PLCH1: variants seen among roughly 807,000 people sequenced by gnomAD.
The protein encoded by PLCH1 is phospholipase C eta 1.
In PLCH1, 60 loss-of-function variants were observed where a neutral mutation model predicts 126.7. That is an observed-to-expected ratio of 0.47 (90% CI 0.38 to 0.59). The LOEUF is 0.59. Among genes scored for constraint, PLCH1 ranks in the 20% least tolerant of loss-of-function variants. The pLI is 0.00. For missense variants in PLCH1, 1,723 were observed against 2,040.0 expected (o/e 0.84, Z 2.99); for synonymous variants, 719 against 734.9 (o/e 0.98, Z 0.35).
chr3:155,648,212 A>G (rs1740278946), intron 2 of PLCH1, among the ~76,000 whole-genome samples: 1 of 152,242 alleles, frequency 6.6e-6, no homozygotes, highest in African/African-American at 2.4e-5. Context: ...CCCAGGGAAC[A>G]ATAGTAGTAG....
At chr3:155,593,809 TG>T (rs1232241430) in intron 4 of PLCH1, 131 bp downstream of exon 4, 1 of 791,772 alleles carries the variant, frequency 1.3e-6, no homozygotes, top group African/African-American at 1.7e-5. Context: ...GAGAAGACGG[TG>T]TGAGGGGTAA....
intron 6 of PLCH1, among the ~76,000 whole-genome samples, chr3:155,580,617 C>T (rs1478809483): frequency 6.6e-6 from 1 of 152,008 alleles, no homozygotes; most frequent in African/African-American, 2.4e-5. Flanking sequence ...TTCACAAATT[C>T]AATTTAATTC....
chr3:155,640,609 T>A (rs1739288410), intron 2 of PLCH1, among the ~76,000 whole-genome samples: 1 of 152,170 alleles, frequency 6.6e-6, no homozygotes, highest in East Asian at 1.9e-4. Flanking sequence ...TAATGCTGCC[T>A]ACTAGCATAA....
intron 1 of PLCH1, among the ~76,000 whole-genome samples, chr3:155,710,960 G>A (rs1332436085): frequency 6.9e-6 from 1 of 144,646 alleles, no homozygotes; most frequent in East Asian, 2.0e-4. Context: ...ATGACCATGG[G>A]CACTGTGGTC....
Position 155,682,944 on chromosome 3 carries a change from G to A in PLCH1, c.79+21202C>T, listed in dbSNP as rs577475297. Among the ~76,000 whole-genome samples, 9 of 152,246 alleles carry A rather than the reference G, an allele frequency of 5.9e-5. No homozygotes were observed. In the South Asian group the frequency reaches 1.9e-3, roughly 32 times the overall value. ...CACAAGTGTTTTACTCAGAGAGCAG[G>A]CTTATTGTGAATGTTTATTCATCAC... On this transcript the variant is annotated intron_variant, in intron 2 of 22. Transcript: ENST00000460012.
intron 2 of PLCH1, among the ~76,000 whole-genome samples, chr3:155,685,162 T>C (rs1040988195): frequency 9.2e-5 from 14 of 152,034 alleles, no homozygotes; most frequent in African/African-American, 3.1e-4. Flanking sequence ...CGGAAGACAC[T>C]GGGCATAAAG....
chr3:155,653,407 T>C (rs1480031096), intron 2 of PLCH1, among the ~76,000 whole-genome samples: 2 of 152,204 alleles, frequency 1.3e-5, no homozygotes, highest in African/African-American at 2.4e-5. Flanking sequence ...AATCATTGGC[T>C]TTATTTGAAC....
intron 15 of PLCH1, 98 bp from the exon 16 acceptor site, chr3:155,494,615 CAAA>C: frequency 1.0e-6 from 1 of 955,632 alleles, no homozygotes; most frequent in Non-Finnish European, 1.6e-6. Context: ...ATACCAATAG[CAAA>C]AAGCAGAGCA....
intron 10 of PLCH1, among the ~76,000 whole-genome samples, chr3:155,547,545 T>C (rs1226169457): frequency 3.4e-4 from 52 of 151,730 alleles, no homozygotes; most frequent in Non-Finnish European, 2.9e-4. Flanking sequence ...ACTGGGTATA[T>C]ACCCAAACGA....
chr3:155,620,641 G>A (rs1409968070), intron 2 of PLCH1, among the ~76,000 whole-genome samples: 1 of 152,178 alleles, frequency 6.6e-6, no homozygotes, highest in Non-Finnish European at 1.5e-5. Flanking sequence ...GGGGAAAGTG[G>A]GAGTTGTATA....
At chr3:155,557,167 G>A (rs1174667261) in intron 8 of PLCH1, among the ~76,000 whole-genome samples, 2 of 152,150 alleles carry the variant, frequency 1.3e-5, no homozygotes, top group Non-Finnish European at 2.9e-5. Flanking sequence ...TCTCACAAGA[G>A]AAGCGTCATC....
chr3:155,658,326 T>C (rs746566733), intron 2 of PLCH1: 8 of 182,206 alleles, frequency 4.4e-5, no homozygotes, highest in Admixed American at 1.0e-4. Flanking sequence ...CAAGTTCCTC[T>C]GTGAGGAGCA....
In PLCH1 at chr3:155,468,498, A is replaced by C. The variant is rs750197458; in HGVS notation, c.2938+16858T>G. 6.1e-4 allele frequency among the ~76,000 whole-genome samples: 93 copies of C among 152,182 alleles called. 1 individual carries two copies. The highest frequency in any genetic ancestry group is 1.1e-3 in the Non-Finnish European group (78 of 68,032). On this transcript the variant is annotated intron_variant, in intron 21 of 21. Transcript: ENST00000494598. ...CACTGATCTGCTGTCTACAAGAAAC[A>C]CACTTCACCTACACGGACACACATA...
chr3:155,709,477 C>T (rs1031020037), intron 1 of PLCH1, among the ~76,000 whole-genome samples: 1 of 152,128 alleles, frequency 6.6e-6, no homozygotes, highest in Non-Finnish European at 1.5e-5. Flanking sequence ...GGATTTTGGC[C>T]TTTCTAATAG....
chr3:155,711,300 A>T (rs1747110753), intron 1 of PLCH1, among the ~76,000 whole-genome samples: 1 of 152,190 alleles, frequency 6.6e-6, no homozygotes, highest in African/African-American at 2.4e-5. Context: ...AAATCATGTA[A>T]AAATCATGTA....
rs145494931 is a variant in PLCH1, at chr3:155,732,327, G to C, written c.-41+12513C>G. 5.8e-3 allele frequency among the ~76,000 whole-genome samples: 890 copies of C among 152,142 alleles called. 11 individuals carry two copies. The highest frequency in any genetic ancestry group is 0.021 in the African/African-American group (858 of 41,526). On this transcript the variant is annotated intron_variant, in intron 1 of 22. Coordinates refer to ENST00000460012, the MANE Select transcript of PLCH1 (RefSeq NM_014996.4). ...AGAAGAAGAAAGTATCTGTGAACTT[G>C]AAGACAGGTTATTTGAAAATATTAT...
intron 1 of PLCH1, among the ~76,000 whole-genome samples, chr3:155,706,139 A>G (rs1259656699): frequency 7.5e-6 from 1 of 132,976 alleles, no homozygotes; most frequent in African/African-American, 2.9e-5. Flanking sequence ...GCGCCACTGC[A>G]CTCCAGCCTG....
At chr3:155,484,403 C>T (rs969166858) in intron 22 of PLCH1, among the ~76,000 whole-genome samples, 1 of 152,128 alleles carries the variant, frequency 6.6e-6, no homozygotes, top group African/African-American at 2.4e-5. Context: ...TTTTCTCCTT[C>T]AAATAAACCA....
At chr3:155,542,238 G>A (rs866262989) in intron 10 of PLCH1, among the ~76,000 whole-genome samples, 7 of 152,198 alleles carry the variant, frequency 4.6e-5, no homozygotes, top group Admixed American at 1.3e-4. Context: ...ATTATATCCC[G>A]CACCTGGCTC....
Sources: allele counts gnomAD v4.1 joint callset (sites outside exome capture counted in the v4.1 genomes callset), GRCh38; gene constraint gnomAD v4.1.1; transcripts MANE v1.5; gene names NCBI Gene and HGNC (gene_info 2026-07-23, HGNC 2026-07-21).